SIPA1L1: variants seen among roughly 807,000 people sequenced by gnomAD.
SIPA1L1 encodes the protein signal induced proliferation associated 1 like 1, also known as signal-induced proliferation-associated 1-like protein 1.
In SIPA1L1, 26 loss-of-function variants were observed where a neutral mutation model predicts 162.7. The observed-to-expected ratio is 0.16, with a 90% CI of 0.12 to 0.22. SIPA1L1 has a LOEUF of 0.22. Ranked by LOEUF, SIPA1L1 falls within the 10% of genes least tolerant of loss-of-function variation. The pLI is 1.00. For missense variants in SIPA1L1, 1,874 were observed against 2,241.0 expected, an observed-to-expected ratio of 0.84 and a Z score of 3.31; for synonymous variants, 829 against 837.4, an observed-to-expected ratio of 0.99 and a Z score of 0.17.
chr14:71,542,821 A>G (rs564991733), intron 4 of SIPA1L1, among the ~76,000 whole-genome samples: 7 of 148,322 alleles, frequency 4.7e-5, no homozygotes, highest in Non-Finnish European at 7.4e-5. Context: ...AGGATCAAGC[A>G]ATCCTCCTTC....
chr14:71,666,427 A>AT (rs543633437), intron 10 of SIPA1L1, among the ~76,000 whole-genome samples: 20 of 152,348 alleles, frequency 1.3e-4, no homozygotes, highest in Admixed American at 2.0e-4. Context: ...TTGGATCCCA[A>AT]TTTAGACAAA....
At chr14:71,600,396 T>C (rs1273367268) in intron 5 of SIPA1L1, among the ~76,000 whole-genome samples, 1 of 152,178 alleles carries the variant, frequency 6.6e-6, no homozygotes, top group African/African-American at 2.4e-5. Context: ...TGTCAAAAAT[T>C]AGTTGGCTGT....
intron 7 of SIPA1L1, among the ~76,000 whole-genome samples, chr14:71,631,439 T>G (rs1475902855): frequency 1.3e-5 from 2 of 152,224 alleles, no homozygotes; most frequent in Non-Finnish European, 2.9e-5. Context: ...TATGTGTAGA[T>G]TTAAGTCCTT....
At chr14:71,388,121 A>G (rs2040479536) in intron 2 of SIPA1L1, among the ~76,000 whole-genome samples, 1 of 152,262 alleles carries the variant, frequency 6.6e-6, no homozygotes, top group Admixed American at 6.5e-5. Context: ...AGAAAATGGC[A>G]TTTATTGAGA....
intron 2 of SIPA1L1, among the ~76,000 whole-genome samples, chr14:71,391,509 TA>T (rs1261870823): frequency 1.3e-5 from 2 of 152,210 alleles, no homozygotes; most frequent in Non-Finnish European, 2.9e-5. Flanking sequence ...GAAGGACAGG[TA>T]AATGCTGCTT....
At chr14:71,731,995 G>A (rs1173249257) in intron 20 of SIPA1L1, among the ~76,000 whole-genome samples, 1 of 152,208 alleles carries the variant, frequency 6.6e-6, no homozygotes, top group Non-Finnish European at 1.5e-5. Context: ...TCGGGCCCCA[G>A]AGATAAAAGG....
chr14:71,596,264 A>G (rs2036017063), intron 5 of SIPA1L1, among the ~76,000 whole-genome samples: 2 of 152,198 alleles, frequency 1.3e-5, no homozygotes, highest in Admixed American at 1.3e-4. Context: ...TTACTAGAGC[A>G]TTACTCCTTG....
chr14:71,631,016 TCCCCCAGC>T (rs1306453111), intron 7 of SIPA1L1, among the ~76,000 whole-genome samples: 7 of 151,912 alleles, frequency 4.6e-5, no homozygotes, highest in African/African-American at 1.5e-4. Context: ...ATGCTATCCC[TCCCCCAGC>T]CCCCCAGCCC....
intron 2 of SIPA1L1, among the ~76,000 whole-genome samples, chr14:71,349,421 C>A (rs1025122785): frequency 1.3e-5 from 2 of 152,120 alleles, no homozygotes; most frequent in Non-Finnish European, 2.9e-5. Flanking sequence ...TGTTTCTGGG[C>A]CCCCTCCAGT....
chr14:71,702,930 C>G (rs1239391892), intron 15 of SIPA1L1, among the ~76,000 whole-genome samples: 1 of 152,208 alleles, frequency 6.6e-6, no homozygotes, highest in Non-Finnish European at 1.5e-5. Flanking sequence ...CTTAGAATCT[C>G]TTTCCTCCCT....
chr14:71,608,482 C>G (rs2037789307), intron 5 of SIPA1L1, among the ~76,000 whole-genome samples: 1 of 151,984 alleles, frequency 6.6e-6, no homozygotes, highest in East Asian at 1.9e-4. Flanking sequence ...TTTTCCTAAG[C>G]TAATGTTTGA....
intron 14 of SIPA1L1, among the ~76,000 whole-genome samples, chr14:71,700,636 G>A (rs2082011420): frequency 6.6e-6 from 1 of 152,114 alleles, no homozygotes; most frequent in African/African-American, 2.4e-5. Flanking sequence ...TTTGCTTAGT[G>A]AGCCTTGTGA....
chr14:71,723,500 C>G, intron 17 of SIPA1L1, 147 bp from the exon 18 acceptor site: 1 of 813,808 alleles, frequency 1.2e-6, no homozygotes, highest in South Asian at 1.8e-5. Context: ...GATGAGAAAG[C>G]CAGGAAGGCC....
rs777415215 is a variant in SIPA1L1 at position 71,356,567 on chromosome 14, C to CCAAAAAA, written c.-465+35386_-465+35387insCAAAAAA. ...GCAACATAGCAAGACCTTGTCTCTA[C>CCAAAAAA]AAAAAAAAAAAAAAAAAAAAGCACA... On this transcript the variant is annotated intron_variant, in intron 2 of 23. Coordinates refer to ENST00000381232, the MANE Select transcript of SIPA1L1 (RefSeq NM_001386936.1). Among the ~76,000 whole-genome samples, 4 of 39,172 alleles carry CCAAAAAA rather than the reference C, an allele frequency of 1.0e-4. 1 individual carries two copies. Among genetic ancestry groups the CCAAAAAA allele is most frequent in the African/African-American group, 4.4e-4 (4 of 9,164 alleles). 25.7% of individuals were successfully genotyped at this position (39,172 alleles called of 152,430 possible).
At chr14:71,602,603 G>T (rs772258570) in intron 5 of SIPA1L1, among the ~76,000 whole-genome samples, 1 of 152,210 alleles carries the variant, frequency 6.6e-6, no homozygotes. Context: ...CTTAAATTCA[G>T]TGTTTCTTTA....
intron 4 of SIPA1L1, among the ~76,000 whole-genome samples, chr14:71,530,050 C>T (rs975750930): frequency 1.3e-5 from 2 of 152,194 alleles, no homozygotes; most frequent in South Asian, 2.1e-4. Context: ...CTTTCTCTGA[C>T]GTCCAAGCAT....
intron 2 of SIPA1L1, among the ~76,000 whole-genome samples, chr14:71,368,142 C>CTTTTTTTTTTTTTTTTTTTT (rs755238643): frequency 3.5e-5 from 4 of 115,180 alleles, no homozygotes; most frequent in Non-Finnish European, 3.7e-5. Context: ...TTGTGGTATT[C>CTTTTTTTTTTTTTTTTTTTT]TTTTTTTTTT....
chr14:71,701,291 A>G (rs992439264), intron 14 of SIPA1L1, among the ~76,000 whole-genome samples: 4 of 151,762 alleles, frequency 2.6e-5, no homozygotes, highest in African/African-American at 9.7e-5. Context: ...AAGACACCCC[A>G]CAAGCATCAG....
intron 2 of SIPA1L1, among the ~76,000 whole-genome samples, chr14:71,440,526 G>A (rs890520605): frequency 1.7e-4 from 26 of 151,364 alleles, no homozygotes; most frequent in Admixed American, 4.0e-4. Flanking sequence ...GTGGGTGCCT[G>A]TAGTCCCAGC....
Sources: allele counts gnomAD v4.1 joint callset (sites outside exome capture counted in the v4.1 genomes callset), GRCh38; gene constraint gnomAD v4.1.1; transcripts MANE v1.5; gene names NCBI Gene and HGNC (gene_info 2026-07-23, HGNC 2026-07-21).